The following SHROOM3 variants were observed in gnomAD, a reference collection of about 807,000 sequenced individuals.
SHROOM3 encodes the protein shroom family member 3.
A neutral mutation model predicts 138.6 loss-of-function variants in SHROOM3; 47 were observed. That is an observed-to-expected ratio of 0.34 (90% CI 0.27 to 0.43). The LOEUF (loss-of-function observed/expected upper bound fraction) is 0.43, where lower values mean the gene tolerates loss of function less well. SHROOM3 is among the 20% of genes least tolerant of loss of function. SHROOM3 has a pLI of 1.00. For synonymous variants in SHROOM3, 1,062 were observed against 1,063.3 expected (o/e 1.00, Z 0.02); for missense variants, 2,491 against 2,596.5 (o/e 0.96, Z 0.88).
chr4:76,647,593 C>T (rs1212683459), intron 2 of SHROOM3, among the ~76,000 whole-genome samples: 1 of 152,036 alleles, frequency 6.6e-6, no homozygotes, highest in Non-Finnish European at 1.5e-5. Context: ...ATTTATTTTT[C>T]TTCAAACAAT....
chr4:76,444,535 C>G (rs1260509909), intron 1 of SHROOM3, among the ~76,000 whole-genome samples: 1 of 140,594 alleles, frequency 7.1e-6, no homozygotes, highest in African/African-American at 2.7e-5. Context: ...GCTCTGTCGC[C>G]CAGGCTGGAG....
At chr4:76,533,270 G>A (rs1415963074) in intron 1 of SHROOM3, among the ~76,000 whole-genome samples, 2 of 151,976 alleles carry the variant, frequency 1.3e-5, no homozygotes, top group Non-Finnish European at 2.9e-5. Flanking sequence ...TTTACCTCTG[G>A]GTGCCCTGGG....
chr4:76,479,607 T>A (rs1731562640), intron 1 of SHROOM3, among the ~76,000 whole-genome samples: 1 of 152,152 alleles, frequency 6.6e-6, no homozygotes, highest in Middle Eastern at 3.4e-3. Context: ...CAGGCCAACA[T>A]TCAAATTCAG....
intron 3 of SHROOM3, 110 bp downstream of exon 3, chr4:76,710,397 G>A (rs1048625071): frequency 7.5e-7 from 1 of 1,340,826 alleles, no homozygotes; most frequent in Non-Finnish European, 1.0e-6. Context: ...GATACAGGCT[G>A]TTGAGAGAGA....
intron 4 of SHROOM3, among the ~76,000 whole-genome samples, chr4:76,737,900 T>C (rs538422428): frequency 1.4e-5 from 2 of 146,170 alleles, no homozygotes; most frequent in East Asian, 3.9e-4. Flanking sequence ...GTAATTTTAT[T>C]TTGAGACAGC....
At position 76,741,995 on chromosome 4, in the gene SHROOM3, C is replaced by T. The variant is rs1334302109; in HGVS notation, c.3753+69C>T. 5 of 1,554,446 alleles carry T rather than the reference C, an allele frequency of 3.2e-6. No homozygotes were observed. Among genetic ancestry groups the T allele is most frequent in the Non-Finnish European group, 4.4e-6 (5 of 1,141,906 alleles). On this transcript the variant is annotated intron_variant, in intron 5 of 10. Transcript: ENST00000296043. This position sits in a 1 kb window ranked among gnomAD's most constrained non-coding sequence, Gnocchi z 6.2. ...CCCTAGAAGCTTTAGTGGGGCTCCC[C>T]AACCCCCCACACTCTCACCCGCTCT...
intron 2 of SHROOM3, among the ~76,000 whole-genome samples, chr4:76,701,064 C>T (rs1442321385): frequency 2.6e-5 from 4 of 152,164 alleles, no homozygotes; most frequent in African/African-American, 7.2e-5. Context: ...GGATTAGAGG[C>T]GTGAGCCACT....
intron 1 of SHROOM3, among the ~76,000 whole-genome samples, chr4:76,479,344 T>C (rs548007967): frequency 7.3e-5 from 11 of 151,658 alleles, no homozygotes; most frequent in African/African-American, 2.4e-4. Context: ...TACACAAGTA[T>C]CAATAGCTGA....
Position 76,741,654 on chromosome 4 carries a change from G to T in SHROOM3, c.3481G>T (p.Ala1161Ser). 1 of 1,548,164 alleles carries T rather than the reference G, an allele frequency of 6.5e-7. No homozygotes were observed. The highest frequency in any genetic ancestry group is 1.9e-5 in the Admixed American group (1 of 52,358). Residue 1161 changes from alanine to serine, a missense_variant, in exon 5 of 11, where the codon GCA (alanine) becomes TCA (serine). Transcript: ENST00000296043. The surrounding 1 kb of genome is among the most constrained non-coding windows in gnomAD (Gnocchi z 6.2). The part of the protein sequence containing the change: ...REATLLPATV[A>S]ETQQAPRDRS... ...GGCCACGCTCCTGCCGGCCACAGTT[G>T]CAGAAACCCAGCAGGCTCCCCGAGA...
At chr4:76,748,482 CAG>C (rs2110139593) in intron 5 of SHROOM3, among the ~76,000 whole-genome samples, 1 of 152,260 alleles carries the variant, frequency 6.6e-6, no homozygotes, top group South Asian at 2.1e-4. Context: ...GAAAAGGCCC[CAG>C]AGTTATTGAT....
At chr4:76,495,426 T>G (rs1224736103) in intron 1 of SHROOM3, among the ~76,000 whole-genome samples, 2 of 152,226 alleles carry the variant, frequency 1.3e-5, no homozygotes, top group Non-Finnish European at 2.9e-5. Flanking sequence ...CCTTCTTGCA[T>G]CAAAGCAGAC....
At chr4:76,471,892 G>GT (rs138928452) in intron 1 of SHROOM3, among the ~76,000 whole-genome samples, 19,158 of 152,080 alleles carry the variant, frequency 0.13, 1,368 homozygotes, top group Middle Eastern at 0.21. Flanking sequence ...GTTGGGGGTT[G>GT]TATTTTGCAG....
chr4:76,706,426 T>C (rs1053095842), intron 2 of SHROOM3, among the ~76,000 whole-genome samples: 4 of 152,218 alleles, frequency 2.6e-5, no homozygotes, highest in African/African-American at 7.2e-5. Context: ...AAGAATGTTA[T>C]TATGCTAAGA....
intron 10 of SHROOM3, among the ~76,000 whole-genome samples, chr4:76,774,901 G>A (rs1722497293): frequency 6.6e-6 from 1 of 151,136 alleles, no homozygotes; most frequent in South Asian, 2.1e-4. Context: ...TTTGTATTGA[G>A]GTATACTTAA....
chr4:76,578,223 C>T (rs1349404579), intron 2 of SHROOM3, among the ~76,000 whole-genome samples: 1 of 152,192 alleles, frequency 6.6e-6, no homozygotes, highest in East Asian at 1.9e-4. Context: ...GGACTTTTCA[C>T]TTATTGGCTG....
At chr4:76,737,657 G>GTTGT (rs1181352417) in intron 4 of SHROOM3, among the ~76,000 whole-genome samples, 1 of 117,630 alleles carries the variant, frequency 8.5e-6, no homozygotes, top group African/African-American at 2.8e-5. Context: ...GTTTTGTTTG[G>GTTGT]TTGTTTTTTG....
At position 76,556,690 on chromosome 4, in the gene SHROOM3, C is replaced by A. The variant is rs755229249; in HGVS notation, c.323+927C>A. Among the ~76,000 whole-genome samples, 11 of 152,228 alleles carry A rather than the reference C, an allele frequency of 7.2e-5. No individual in the cohort carries two copies. The South Asian group carries it at 2.3e-3, about 32-fold the overall frequency. On this transcript the variant is annotated intron_variant, in intron 2 of 10. Coordinates refer to ENST00000296043, the MANE Select transcript of SHROOM3 (RefSeq NM_020859.4). ...CAGTATTTAAGAATGTTCTAGTTGG[C>A]TGAGACTTCAGGAGTCATCAATGAA...
chr4:76,766,627 T>G (rs1183968964), intron 9 of SHROOM3, among the ~76,000 whole-genome samples: 1 of 152,238 alleles, frequency 6.6e-6, no homozygotes, highest in African/African-American at 2.4e-5. Context: ...GGTGAGTTAT[T>G]CTGGTAGACA....
At chr4:76,559,213 A>G (rs1054727868) in intron 2 of SHROOM3, 8 of 152,198 alleles carry the variant, frequency 5.3e-5, no homozygotes, top group African/African-American at 1.9e-4. Context: ...CTGCCTTTAC[A>G]TCTGACACAT....
Sources: allele counts gnomAD v4.1 joint callset (sites outside exome capture counted in the v4.1 genomes callset), GRCh38; gene constraint gnomAD v4.1.1; non-coding constraint Gnocchi (gnomAD v3.1); transcripts MANE v1.5; gene names NCBI Gene and HGNC (gene_info 2026-07-23, HGNC 2026-07-21).